The following COL27A1 variants were observed in gnomAD, a reference collection of about 807,000 sequenced individuals.
The protein encoded by COL27A1 is collagen alpha-1(XXVII) chain.
COL27A1 carries 106 observed loss-of-function variants against 251.3 expected under a neutral mutation model. The observed-to-expected ratio is 0.42, with a 90% CI of 0.36 to 0.50. The LOEUF (loss-of-function observed/expected upper bound fraction) is 0.50. Among genes scored for constraint, COL27A1 ranks in the 20% least tolerant of loss-of-function variants. COL27A1 has a pLI of 0.00. For synonymous variants in COL27A1, 1,000 were observed against 986.3 expected (o/e 1.01, Z -0.26); for missense variants, 2,325 against 2,522.8 (o/e 0.92, Z 1.68).
At position 114,312,133 on chromosome 9, in the gene COL27A1, A is replaced by C. The variant is rs1451321809; in HGVS notation, c.*1438A>C. 1 of 152,182 alleles carries C rather than the reference A, an allele frequency of 6.6e-6. No individual in the cohort carries two copies. The highest frequency in any genetic ancestry group is 1.5e-5 in the Non-Finnish European group (1 of 68,026). The allele number at this position is 152,182 out of a possible 1,614,324, so 9.4% of individuals were successfully genotyped here. A position where few individuals can be genotyped will look rare whatever the true frequency, so the allele number is the denominator to read the frequency against. ...TTTAACCATGGAATTATTTTTATAG[A>C]AGGGGAAAATGTATGTGAAAGTCTC... On this transcript the variant is annotated 3_prime_UTR_variant, in exon 61 of 61. Transcript: ENST00000356083.
intron 3 of COL27A1, among the ~76,000 whole-genome samples, chr9:114,171,801 A>G (rs1323894824): frequency 6.6e-6 from 1 of 152,180 alleles, no homozygotes; most frequent in Non-Finnish European, 1.5e-5. Context: ...CATCAAGTTT[A>G]TGAGCTGCTT....
intron 2 of COL27A1, 34 bp downstream of exon 2, chr9:114,162,819 A>G (rs1848594437): frequency 6.5e-7 from 1 of 1,542,054 alleles, no homozygotes; most frequent in Non-Finnish European, 9.0e-7. Context: ...AGGGGGAGAC[A>G]AAGGAGAACG....
At chr9:114,198,832 C>A (rs1394012782) in intron 7 of COL27A1, among the ~76,000 whole-genome samples, 1 of 152,194 alleles carries the variant, frequency 6.6e-6, no homozygotes. Flanking sequence ...CGCTCTGTCC[C>A]TCTCCTGCTG....
intron 16 of COL27A1, among the ~76,000 whole-genome samples, chr9:114,234,573 G>A (rs1832224498): frequency 6.6e-6 from 1 of 152,090 alleles, no homozygotes; most frequent in South Asian, 2.1e-4. Context: ...CTCCCAATCT[G>A]GACTGCCTGT....
intron 34 of COL27A1, 62 bp from the exon 35 acceptor site, chr9:114,269,179 G>A: frequency 8.6e-7 from 1 of 1,156,618 alleles, no homozygotes. Context: ...AAACAGGAAG[G>A]GGTGTCGAGA....
intron 21 of COL27A1, among the ~76,000 whole-genome samples, chr9:114,241,135 A>G (rs1250732942): frequency 6.6e-6 from 1 of 152,186 alleles, no homozygotes; most frequent in Non-Finnish European, 1.5e-5. Flanking sequence ...AGGGGTCTCT[A>G]TGGGGCTGTT....
chr9:114,303,379 T>C (rs761908132), intron 56 of COL27A1, among the ~76,000 whole-genome samples: 1 of 151,914 alleles, frequency 6.6e-6, no homozygotes, highest in African/African-American at 2.4e-5. Flanking sequence ...GCTGGGATTA[T>C]AGGCGCGAAC....
intron 1 of COL27A1, among the ~76,000 whole-genome samples, chr9:114,158,549 T>G (rs1250976514): frequency 6.6e-6 from 1 of 152,176 alleles, no homozygotes; most frequent in Non-Finnish European, 1.5e-5. Flanking sequence ...TGTGCTCTGG[T>G]CTTCCTGACA....
At chr9:114,245,160 T>G (rs867756107) in intron 23 of COL27A1, among the ~76,000 whole-genome samples, 3,635 of 136,384 alleles carry the variant, frequency 0.027, 141 homozygotes, top group East Asian at 0.074. Flanking sequence ...TTTTTTTTTT[T>G]TTTTTTTTTT....
intron 1 of COL27A1, among the ~76,000 whole-genome samples, chr9:114,162,309 CTG>C (rs1290343659): frequency 6.6e-6 from 1 of 152,194 alleles, no homozygotes; most frequent in East Asian, 1.9e-4. Context: ...GATCATGAGG[CTG>C]TAGTACAGAT....
In COL27A1 at chr9:114,194,588, G is replaced by A; in HGVS notation, c.2070+131G>A. The A allele has an allele frequency of 6.2e-6, 5 of 811,862 alleles. No homozygotes were observed. In the South Asian group the frequency reaches 6.8e-5, roughly 11 times the overall value. 50.3% of individuals were successfully genotyped at this position (811,862 alleles called of 1,614,324 possible). On this transcript the variant is annotated intron_variant, in intron 6 of 60. Transcript: ENST00000356083. ...GCAGGGAGGTGGGAACATCTGGAAG[G>A]GTTAGGGTATGGTTTGGTTTTTTCC...
At chr9:114,173,111 G>A (rs1004452516) in intron 3 of COL27A1, among the ~76,000 whole-genome samples, 1 of 151,936 alleles carries the variant, frequency 6.6e-6, no homozygotes, top group Non-Finnish European at 1.5e-5. Flanking sequence ...AGCCCCAGGA[G>A]GGGGGAACAT....
Position 114,300,062 on chromosome 9 carries a change from T to C in COL27A1, c.4585-8T>C, listed in dbSNP as rs1427588065. ...CACTCGCTCCATCACTTCCTGTTCTTCCTGCAGGGCGACTCTGGCGAGATG... is the reference window on the plus strand; with the variant it reads ...CACTCGCTCCATCACTTCCTGTTCTCCCTGCAGGGCGACTCTGGCGAGATG... On this transcript the variant is annotated splice_region_variant and splice_polypyrimidine_tract_variant and intron_variant, in intron 49 of 60. Transcript: ENST00000356083. The C allele has an allele frequency of 6.2e-7, 1 of 1,614,118 alleles. No homozygotes were observed. Among genetic ancestry groups the C allele is most frequent in the East Asian group, 2.2e-5 (1 of 44,888 alleles).
Position 114,288,466 on chromosome 9 carries a change from C to A in COL27A1, c.3999C>A (p.Gly1333=), listed in dbSNP as rs149874788. The A allele has an allele frequency of 1.2e-6, 2 of 1,610,098 alleles. No homozygotes were observed. Among genetic ancestry groups the A allele is most frequent in the Non-Finnish European group, 1.7e-6 (2 of 1,178,934 alleles). ...PGPKGEKGEQ[G]EDGKAEGPPG... ...TTCTGTGTCCACAGGGGGAGCAGGG[C>A]GAGGACGGCAAGGCTGAGGGGCCCC... The change falls in exon 42 of 61, where the codon GGC becomes GGA. Residue 1333 remains glycine (G), a synonymous_variant. Coordinates refer to ENST00000356083, the MANE Select transcript of COL27A1 (RefSeq NM_032888.4).
chr9:114,224,660 T>TC (rs1022002735), intron 14 of COL27A1, among the ~76,000 whole-genome samples: 14 of 146,306 alleles, frequency 9.6e-5, no homozygotes, highest in Non-Finnish European at 2.0e-4. Flanking sequence ...TTTTTTTTTT[T>TC]TTTTTTTTTT....
intron 18 of COL27A1, 32 bp from the exon 19 acceptor site, chr9:114,237,630 C>T: frequency 6.2e-7 from 1 of 1,604,722 alleles, no homozygotes; most frequent in Non-Finnish European, 8.5e-7. Flanking sequence ...GGTCCTCACC[C>T]CTGCCTCCCT....
intron 23 of COL27A1, among the ~76,000 whole-genome samples, chr9:114,245,160 T>TG (rs1273015758): frequency 2.0e-4 from 27 of 136,424 alleles, no homozygotes; most frequent in African/African-American, 2.7e-4. Flanking sequence ...TTTTTTTTTT[T>TG]TTTTTTTTTT....
chr9:114,178,296 CCCTGGGCTA>C lies in COL27A1; in HGVS notation c.1929_1937del (p.Leu644_Gly646del), dbSNP rs538164777. On this transcript the variant is annotated inframe_deletion, in exon 4 of 61. Coordinates refer to ENST00000356083, the MANE Select transcript of COL27A1 (RefSeq NM_032888.4). Reference sequence around the variant, plus strand: ...TCTTCTTGTTTTCTCCTCAGGGTCCCCCTGGGCTACCTGGGCTACCTGGAATCCCTGGTG... The same window carrying C: ...TCTTCTTGTTTTCTCCTCAGGGTCCCCCTGGGCTACCTGGAATCCCTGGTG... 1.2e-4 allele frequency: 195 copies of C among 1,614,014 alleles called. No homozygotes were observed. In the African/African-American group the frequency reaches 1.6e-3, roughly 13 times the overall value.
chr9:114,269,659 C>G (rs2636863), intron 35 of COL27A1, among the ~76,000 whole-genome samples: 76,082 of 146,984 alleles, frequency 0.52, 22,011 homozygotes, highest in African/African-American at 0.79. Context: ...TGTTGAGGTT[C>G]AGTCGAGTCT....
Sources: allele counts gnomAD v4.1 joint callset (sites outside exome capture counted in the v4.1 genomes callset), GRCh38; gene constraint gnomAD v4.1.1; transcripts MANE v1.5; gene names NCBI Gene and HGNC (gene_info 2026-07-23, HGNC 2026-07-21).